Variants in FAM171B observed in about 807,000 individuals in gnomAD.
The protein encoded by FAM171B is family with sequence similarity 171 member B, also known as protein FAM171B.
Under a neutral mutation model 75.6 loss-of-function variants are expected in FAM171B, and 19 were observed. The observed-to-expected ratio is 0.25, with a 90% confidence interval of 0.18 to 0.37. FAM171B has a LOEUF of 0.37. Among genes scored for constraint, FAM171B ranks in the 10% least tolerant of loss-of-function variants. The probability of loss-of-function intolerance (pLI) is 1.00; values close to 1 mark genes in which losing one functional copy is unlikely to be tolerated. For missense variants in FAM171B, 848 were observed against 982.4 expected (o/e 0.86, Z 1.83); for synonymous variants, 367 against 361.7 (o/e 1.01, Z -0.17).
intron 1 of FAM171B, among the ~76,000 whole-genome samples, chr2:186,705,851 T>C (rs1689726858): frequency 6.6e-6 from 1 of 152,200 alleles, no homozygotes; most frequent in African/African-American, 2.4e-5. Context: ...ATTCTGTTGG[T>C]GGAATGGTTG....
rs558394602 is a variant in FAM171B at position 186,725,276 on chromosome 2, G to A, written c.239-14952G>A. ...GGAGAATGGTGTTAACCCGGGAGGC[G>A]GAGCTTGCAGTGAGCCGAGACCACG... On this transcript the variant is annotated intron_variant, in intron 1 of 7. Transcript: ENST00000304698. 7.9e-5 allele frequency among the ~76,000 whole-genome samples: 12 copies of A among 151,762 alleles called. No homozygotes were observed. The South Asian group carries it at 2.3e-3, about 29-fold the overall frequency.
In FAM171B at chr2:186,761,489, G is replaced by C; in HGVS notation, c.1147G>C (p.Gly383Arg). ...VLLCYCRDKC[G>R]TPQKRERNIT... ...TCTCTTCTACTCTAGGGACAAGTGT[G>C]GTACTCCACAGAAAAGAGAAAGAAA... Residue 383 changes from glycine (G) to arginine (R), a missense_variant, in exon 8 of 8, where the codon GGT becomes CGT. Coordinates refer to ENST00000304698, the MANE Select transcript of FAM171B (RefSeq NM_177454.4). 3 of 1,570,926 alleles carry C rather than the reference G, an allele frequency of 1.9e-6. No individual in the cohort carries two copies. The East Asian group carries it at 6.7e-5, about 35-fold the overall frequency.
intron 1 of FAM171B, among the ~76,000 whole-genome samples, chr2:186,703,353 A>G (rs1689690353): frequency 6.6e-6 from 1 of 152,004 alleles, no homozygotes; most frequent in Non-Finnish European, 1.5e-5. Flanking sequence ...GCTGGGCTTT[A>G]TGTGAGCAGT....
intron 1 of FAM171B, among the ~76,000 whole-genome samples, chr2:186,698,044 C>T (rs1559079438): frequency 6.6e-6 from 1 of 152,156 alleles, no homozygotes; most frequent in Non-Finnish European, 1.5e-5. Flanking sequence ...TCTTATTTCT[C>T]CATCTGTACC....
chr2:186,695,955 A>G (rs370302420), intron 1 of FAM171B, among the ~76,000 whole-genome samples: 40 of 151,942 alleles, frequency 2.6e-4, no homozygotes, highest in African/African-American at 7.5e-4. Flanking sequence ...TTTTATTTCA[A>G]TGGACCTTTC....
At chr2:186,741,255 T>G (rs1690285006) in intron 2 of FAM171B, among the ~76,000 whole-genome samples, 1 of 152,050 alleles carries the variant, frequency 6.6e-6, no homozygotes, top group Non-Finnish European at 1.5e-5. Context: ...AGATCAAATG[T>G]GGAAAATAAT....
intron 1 of FAM171B, among the ~76,000 whole-genome samples, chr2:186,722,886 A>T (rs1232882174): frequency 6.6e-6 from 1 of 152,174 alleles, no homozygotes. Context: ...CACACTTTAC[A>T]ATTATTTGGT....
chr2:186,751,268 G>A lies in FAM171B; in HGVS notation c.859G>A (p.Asp287Asn). The change falls in exon 5 of 8, where the codon GAT becomes AAT. Residue 287 changes from aspartate (D) to asparagine (N), a missense_variant. Coordinates refer to ENST00000304698, the MANE Select transcript of FAM171B (RefSeq NM_177454.4). The stretch of plus-strand genomic sequence containing the variant: ...ACGTCTGAATGATATAAGTGCAGGG[G>A]ATCGCATACCTGCTTGGACATTTGA... ...LLRLNDISAG[D>N]RIPAWTFDMN... The A allele has an allele frequency of 6.2e-7, 1 of 1,604,992 alleles. No individual in the cohort carries two copies.
At chr2:186,720,510 T>C (rs1396047935) in intron 1 of FAM171B, among the ~76,000 whole-genome samples, 1 of 152,136 alleles carries the variant, frequency 6.6e-6, no homozygotes, top group African/African-American at 2.4e-5. Flanking sequence ...ATTACCGTGC[T>C]TATACAAATG....
At chr2:186,713,833 C>T (rs1460510593) in intron 1 of FAM171B, among the ~76,000 whole-genome samples, 1 of 152,146 alleles carries the variant, frequency 6.6e-6, no homozygotes, top group Non-Finnish European at 1.5e-5. Flanking sequence ...TTCATCTGAG[C>T]TTTGACTTTT....
intron 6 of FAM171B, among the ~76,000 whole-genome samples, chr2:186,755,988 T>C (rs2105791551): frequency 6.6e-6 from 1 of 152,320 alleles, no homozygotes; most frequent in Middle Eastern, 3.4e-3. Context: ...TGAAAAACAA[T>C]ATTTAATTTC....
chr2:186,698,778 C>G (rs1384775141), intron 1 of FAM171B, among the ~76,000 whole-genome samples: 1 of 152,154 alleles, frequency 6.6e-6, no homozygotes, highest in Non-Finnish European at 1.5e-5. Context: ...CCACTTCTTC[C>G]CCACTCCCAA....
At chr2:186,704,400 T>G (rs1689706529) in intron 1 of FAM171B, among the ~76,000 whole-genome samples, 1 of 152,178 alleles carries the variant, frequency 6.6e-6, no homozygotes, top group African/African-American at 2.4e-5. Flanking sequence ...ATAATAAACT[T>G]TCTTGGAATC....
intron 1 of FAM171B, 135 bp from the exon 2 acceptor site, chr2:186,740,093 T>C: frequency 1.7e-6 from 1 of 595,524 alleles, no homozygotes. Flanking sequence ...TTCATTATTA[T>C]ATGTATTTAT....
At chr2:186,746,908 G>A (rs1690372686) in intron 3 of FAM171B, among the ~76,000 whole-genome samples, 184 bp from the exon 4 acceptor site, 1 of 152,282 alleles carries the variant, frequency 6.6e-6, no homozygotes, top group Non-Finnish European at 1.5e-5. Flanking sequence ...CAGTACAAAG[G>A]TGCCTTGTGT....
At chr2:186,713,070 T>G (rs1460058835) in intron 1 of FAM171B, among the ~76,000 whole-genome samples, 1 of 152,222 alleles carries the variant, frequency 6.6e-6, no homozygotes, top group Non-Finnish European at 1.5e-5. Flanking sequence ...AAACCTCAGT[T>G]CATGGTTGTG....
intron 1 of FAM171B, 41 bp downstream of exon 1, chr2:186,694,452 G>T: frequency 6.3e-7 from 1 of 1,587,822 alleles, no homozygotes; most frequent in South Asian, 1.2e-5. Flanking sequence ...AGTCTCGGCC[G>T]GCGATCTCTT....
intron 1 of FAM171B, among the ~76,000 whole-genome samples, chr2:186,723,040 A>G (rs1374264495): frequency 1.3e-5 from 2 of 152,222 alleles, no homozygotes; most frequent in Non-Finnish European, 1.5e-5. Flanking sequence ...GAGATGATAT[A>G]GTCGTCTCCA....
intron 1 of FAM171B, among the ~76,000 whole-genome samples, chr2:186,699,812 TA>T: frequency 6.6e-6 from 1 of 152,302 alleles, no homozygotes; most frequent in Middle Eastern, 3.4e-3. Flanking sequence ...TGGTGAGGGA[TA>T]GGGGTCTAGT....
Sources: gnomAD v4.1 joint callset for allele counts (sites outside exome capture counted in the v4.1 genomes callset) on GRCh38, gnomAD v4.1.1 for gene constraint, MANE v1.5 for transcripts, NCBI Gene and HGNC (gene_info 2026-07-23, HGNC 2026-07-21) for gene names.